Variants in PDE4A observed in about 807,000 individuals in gnomAD.
PDE4A encodes the protein phosphodiesterase 4A.
Under a neutral mutation model 73.9 loss-of-function variants are expected in PDE4A, and 21 were observed. That is an observed-to-expected ratio of 0.28 (90% CI 0.20 to 0.41). PDE4A has a LOEUF of 0.41. PDE4A is among the 10% of genes least tolerant of loss of function. The pLI is 1.00. For missense variants in PDE4A, 958 were observed against 1,211.4 expected, an observed-to-expected ratio of 0.79 and a Z score of 3.10; for synonymous variants, 463 against 505.4, an observed-to-expected ratio of 0.92 and a Z score of 1.13.
At chr19:10,438,919 T>C (rs2042900522) in intron 1 of PDE4A, among the ~76,000 whole-genome samples, 1 of 152,230 alleles carries the variant, frequency 6.6e-6, no homozygotes, top group South Asian at 2.1e-4. Context: ...TGTTGTAGCC[T>C]GTGTCAGAAT....
chr19:10,425,576 G>T (rs1201449284), intron 1 of PDE4A, among the ~76,000 whole-genome samples: 1 of 152,218 alleles, frequency 6.6e-6, no homozygotes, highest in Non-Finnish European at 1.5e-5. Context: ...TTGACTGCAG[G>T]CTCTTATGAC....
intron 2 of PDE4A, among the ~76,000 whole-genome samples, chr19:10,447,220 T>C (rs2043020254): frequency 2.9e-5 from 3 of 103,906 alleles, no homozygotes; most frequent in Admixed American, 1.9e-4. Context: ...TTTTTCTCTT[T>C]TTTTTTTTTT....
Position 10,461,608 on chromosome 19 carries a change from G to C in PDE4A, c.1548G>C (p.Glu516Asp). ...HLAVGFKLLQ[E>D]DNCDIFQNLS... ...CCGTGGGCTTCAAGCTGCTGCAGGA[G>C]GACAACTGCGACATCTTCCAGAACC... The change falls in exon 12 of 15, where the codon GAG (glutamate) becomes GAC (aspartate). Residue 516 changes from glutamate (E) to aspartate (D), a missense_variant. Physicochemically the swap from Glu to Asp is conservative, Grantham distance 45. Around this residue, in one of 3 missense-constraint regions of PDE4A, gnomAD observed 570 missense variants for 827.7 expected, o/e 0.69. Transcript: ENST00000380702. The C allele has an allele frequency of 6.2e-7, 1 of 1,613,870 alleles. No homozygotes were observed. The highest frequency in any genetic ancestry group is 8.5e-7 in the Non-Finnish European group (1 of 1,179,934).
At position 10,424,446 on chromosome 19, in the gene PDE4A, C is replaced by G. The variant is rs1459057301; in HGVS notation, c.320+3362C>G. Among the ~76,000 whole-genome samples the G allele has an allele frequency of 6.6e-6, 1 of 152,202 alleles. No homozygotes were observed. The highest frequency in any genetic ancestry group is 1.5e-5 in the Non-Finnish European group (1 of 68,020). Reference sequence around the variant, plus strand: ...CCTTGTCCCTGGCGCTCCCAAGTCCCTGGATGTGGGTTGGGAGCGGGTCTC... The same window carrying G: ...CCTTGTCCCTGGCGCTCCCAAGTCCGTGGATGTGGGTTGGGAGCGGGTCTC... On this transcript the variant is annotated intron_variant, in intron 1 of 14. Transcript: ENST00000380702. The surrounding 1 kb of genome is among the most constrained non-coding windows in gnomAD (Gnocchi z 4.8).
chr19:10,419,334 C>G (rs1482578514), upstream of PDE4A: 2 of 152,700 alleles, frequency 1.3e-5, no homozygotes, highest in Non-Finnish European at 2.9e-5. Context: ...CGCTCGCTCT[C>G]TGCTTGCTCG....
In PDE4A at chr19:10,430,949, C is replaced by A. The variant is rs1475828393; in HGVS notation, c.320+9865C>A. 4 of 1,529,212 alleles carry A rather than the reference C, an allele frequency of 2.6e-6. No individual in the cohort carries two copies. The African/African-American group carries it at 4.2e-5, about 16-fold the overall frequency. 94.7% of individuals were successfully genotyped at this position (1,529,212 alleles called of 1,614,324 possible). A position where few individuals can be genotyped will look rare whatever the true frequency, so the allele number is the denominator to read the frequency against. ...AGGCGTTCCTGCCCGAGCCCCTGGC[C>A]CCGCGCGCGCCCCGCCGCCCGCGTT... On this transcript the variant is annotated intron_variant, in intron 1 of 14. Coordinates refer to ENST00000380702, the MANE Select transcript of PDE4A (RefSeq NM_001111307.2).
chr19:10,447,189 C>T (rs549397529), intron 2 of PDE4A, among the ~76,000 whole-genome samples: 379 of 148,078 alleles, frequency 2.6e-3, no homozygotes, highest in African/African-American at 8.9e-3. Flanking sequence ...CATGAGCCAC[C>T]GCGCCTGGCC....
chr19:10,448,771 C>G, intron 2 of PDE4A, 146 bp from the exon 3 acceptor site: 1 of 1,472,530 alleles, frequency 6.8e-7, no homozygotes, highest in Non-Finnish European at 9.1e-7. Flanking sequence ...ACATATCCAC[C>G]CTTATGCAGT....
intron 1 of PDE4A, chr19:10,423,155 CT>C: frequency 2.8e-6 from 2 of 721,440 alleles, no homozygotes; most frequent in Non-Finnish European, 3.3e-6. Flanking sequence ...AAAACCCTTT[CT>C]CTTTTTTTTT....
chr19:10,455,579 A>G (rs2043158058), intron 7 of PDE4A, among the ~76,000 whole-genome samples: 1 of 152,084 alleles, frequency 6.6e-6, no homozygotes, highest in African/African-American at 2.4e-5. Flanking sequence ...GGTTGCAGTG[A>G]GCCAAGATCA....
At position 10,421,293 on chromosome 19, in the gene PDE4A, C is replaced by G. The variant is rs949147472; in HGVS notation, c.320+209C>G. On this transcript the variant is annotated intron_variant, in intron 1 of 14. Coordinates refer to ENST00000380702, the MANE Select transcript of PDE4A (RefSeq NM_001111307.2). ...TCCTGCTGAAGCCCATCCTGGGGTC[C>G]ATTTAGGGGGCGCCACGCTGCGCGT... 15 of 985,238 alleles carry G rather than the reference C, an allele frequency of 1.5e-5. No individual in the cohort carries two copies. The African/African-American group carries it at 2.4e-4, about 16-fold the overall frequency. The allele number at this position is 985,238 out of a possible 1,614,324, so 61.0% of individuals were successfully genotyped here.
rs1291291004 is a variant in PDE4A at position 10,453,222 on chromosome 19, A to C, written c.784-1607A>C. Reference sequence around the variant, plus strand: ...GTTAACCCCGGGACTCCCCAAGCCCAGCCTCTGTGTGCAGCAGCCCCAGGC... The same window carrying C: ...GTTAACCCCGGGACTCCCCAAGCCCCGCCTCTGTGTGCAGCAGCCCCAGGC... On this transcript the variant is annotated intron_variant, in intron 6 of 14. Transcript: ENST00000380702. This position sits in a 1 kb window ranked among gnomAD's most constrained non-coding sequence, Gnocchi z 4.6. 6.3e-7 allele frequency: 1 copy of C among 1,588,212 alleles called. No individual in the cohort carries two copies. The highest frequency in any genetic ancestry group is 8.6e-7 in the Non-Finnish European group (1 of 1,167,380).
rs142010962 is a variant in PDE4A, at chr19:10,468,356, G to C, written c.*735G>C. The C allele has an allele frequency of 7.2e-5, 11 of 152,564 alleles. No homozygotes were observed. The highest frequency in any genetic ancestry group is 6.6e-4 in the Admixed American group (10 of 15,236). The allele number at this position is 152,564 out of a possible 1,614,324, so 9.5% of individuals were successfully genotyped here. A position where few individuals can be genotyped will look rare whatever the true frequency, so the allele number is the denominator to read the frequency against. On this transcript the variant is annotated 3_prime_UTR_variant, in exon 15 of 15. Coordinates refer to ENST00000380702, the MANE Select transcript of PDE4A (RefSeq NM_001111307.2). ...TGGTATGGAAGGGAGCGTTCACACC[G>C]CCAGCCTCGGGCCTGGGATTTGAGG...
At chr19:10,465,099 C>T (rs551002252) in intron 14 of PDE4A, among the ~76,000 whole-genome samples, 1 of 152,254 alleles carries the variant, frequency 6.6e-6, no homozygotes, top group African/African-American at 2.4e-5. Context: ...GTTTCTAGGC[C>T]TCAGCACTGT....
At chr19:10,441,117 C>T (rs1382461840) in intron 1 of PDE4A, among the ~76,000 whole-genome samples, 1 of 152,048 alleles carries the variant, frequency 6.6e-6, no homozygotes, top group Non-Finnish European at 1.5e-5. Context: ...TCACTACAGC[C>T]TCAAACATCC....
At chr19:10,463,638 T>C in intron 13 of PDE4A, 155 bp from the exon 14 acceptor site, 1 of 898,996 alleles carries the variant, frequency 1.1e-6, no homozygotes, top group Non-Finnish European at 1.3e-6. Context: ...CCTGACCTCA[T>C]GATCCACCCG....
At position 10,424,367 on chromosome 19, in the gene PDE4A, C is replaced by T. The variant is rs1012389029; in HGVS notation, c.320+3283C>T. Among the ~76,000 whole-genome samples the T allele has an allele frequency of 6.6e-6, 1 of 152,208 alleles. No individual in the cohort carries two copies. ...CCAGGAGCAGGTGGAGGCAGCCGAG[C>T]TGGGGTATCCGTCTGGTCGCTGGTC... is the stretch of plus-strand genomic sequence containing the variant. On this transcript the variant is annotated intron_variant, in intron 1 of 14. Coordinates refer to ENST00000380702, the MANE Select transcript of PDE4A (RefSeq NM_001111307.2). This position sits in a 1 kb window ranked among gnomAD's most constrained non-coding sequence, Gnocchi z 4.8.
At position 10,450,920 on chromosome 19, in the gene PDE4A, C is replaced by A; in HGVS notation, c.762C>A (p.Val254=). 2 of 1,605,694 alleles carry A rather than the reference C, an allele frequency of 1.2e-6. No homozygotes were observed. The highest frequency in any genetic ancestry group is 1.7e-6 in the Non-Finnish European group (2 of 1,176,376). ...AGACCATGCAGACCTATCGCTCTGT[C>A]AGCGAGATGGCCTCGCACAAGGTGT... ...QLETMQTYRS[V]SEMASHKFKR... The change falls in exon 6 of 15, where the codon GTC becomes GTA. Residue 254 remains valine (V), a synonymous_variant. Transcript: ENST00000380702.
At chr19:10,465,958 C>T (rs1233931608) in intron 14 of PDE4A, among the ~76,000 whole-genome samples, 2 of 149,190 alleles carry the variant, frequency 1.3e-5, no homozygotes, top group African/African-American at 4.9e-5. Flanking sequence ...ACCTCAGCCT[C>T]CCAAAGTGCT....
Sources: allele counts gnomAD v4.1 joint callset (sites outside exome capture counted in the v4.1 genomes callset), GRCh38; gene constraint gnomAD v4.1.1; regional missense constraint gnomAD v4.1.1; non-coding constraint Gnocchi (gnomAD v3.1); transcripts MANE v1.5; gene names NCBI Gene and HGNC (gene_info 2026-07-23, HGNC 2026-07-21).